RPL34: variants seen among roughly 807,000 people sequenced by gnomAD.
RPL34 encodes ribosomal protein L34.
In RPL34, 2 loss-of-function variants were observed where a neutral mutation model predicts 16.3. The ratio of observed to expected loss-of-function variants is 0.12; its 90% CI spans 0.05 to 0.39. The LOEUF (loss-of-function observed/expected upper bound fraction) is 0.39. Among genes scored for constraint, RPL34 ranks in the 10% least tolerant of loss-of-function variants. The pLI is 0.99. For synonymous variants in RPL34, 47 were observed against 48.5 expected, an observed-to-expected ratio of 0.97 and a Z score of 0.13; for missense variants, 82 against 148.8, an observed-to-expected ratio of 0.55 and a Z score of 2.33.
chr4:108,624,742 C>G (rs557484433), intron 4 of RPL34, among the ~76,000 whole-genome samples: 1 of 152,246 alleles, frequency 6.6e-6, no homozygotes, highest in African/African-American at 2.4e-5. Context: ...TAGTTCTTAA[C>G]ACATAGCCCC....
downstream of RPL34, among the ~76,000 whole-genome samples, chr4:108,626,654 A>C (rs1373787114): frequency 6.6e-6 from 1 of 151,902 alleles, no homozygotes; most frequent in Non-Finnish European, 1.5e-5. Context: ...GGCCAGGTTC[A>C]TCTTGAACTC....
intron 1 of RPL34, 54 bp from the exon 2 acceptor site, chr4:108,621,897 A>T: frequency 1.7e-6 from 2 of 1,211,508 alleles, no homozygotes; most frequent in Non-Finnish European, 2.4e-6. Context: ...CTGTTTTGAG[A>T]TTTTATTTAC....
downstream of RPL34, chr4:108,630,225 C>T (rs539643245): frequency 3.9e-5 from 6 of 152,224 alleles, no homozygotes; most frequent in African/African-American, 7.2e-5. Context: ...CAGCACATCC[C>T]TAGATACTAC....
At chr4:108,622,084 A>G (rs1261690479) in intron 2 of RPL34, 21 bp from the exon 3 acceptor site, 9 of 1,597,938 alleles carry the variant, frequency 5.6e-6, no homozygotes, top group Non-Finnish European at 7.7e-6. Context: ...ATGCTGACCT[A>G]CTGACTGTTT....
downstream of RPL34, among the ~76,000 whole-genome samples, chr4:108,627,691 G>A (rs967573984): frequency 6.6e-6 from 1 of 151,944 alleles, no homozygotes; most frequent in African/African-American, 2.4e-5. Context: ...GTGAAACCCC[G>A]TCTCTACTAA....
chr4:108,627,205 C>T (rs146725206), downstream of RPL34, among the ~76,000 whole-genome samples: 100 of 152,118 alleles, frequency 6.6e-4, no homozygotes, highest in East Asian at 6.6e-3. Context: ...CGCCACTGTA[C>T]TCTCGCCTGT....
chr4:108,629,404 T>A (rs926773070), downstream of RPL34, among the ~76,000 whole-genome samples: 1 of 152,248 alleles, frequency 6.6e-6, no homozygotes, highest in African/African-American at 2.4e-5. Flanking sequence ...TATATCTGAT[T>A]ATTTCACTTA....
intron 4 of RPL34, among the ~76,000 whole-genome samples, chr4:108,623,496 G>A (rs577409779): frequency 1.2e-4 from 18 of 152,228 alleles, no homozygotes; most frequent in African/African-American, 4.1e-4. Flanking sequence ...TGTAACCTCC[G>A]CCTCCCGGGT....
downstream of RPL34, among the ~76,000 whole-genome samples, chr4:108,627,822 A>G (rs1362857741): frequency 6.6e-6 from 1 of 151,374 alleles, no homozygotes; most frequent in Admixed American, 6.6e-5. Context: ...AGATTGCACC[A>G]CTGCACTCCA....
chr4:108,630,218 C>G (rs927134050), downstream of RPL34: 1 of 152,114 alleles, frequency 6.6e-6, no homozygotes, highest in Non-Finnish European at 1.5e-5. Flanking sequence ...ATACTACCAG[C>G]ACATCCCTAG....
downstream of RPL34, among the ~76,000 whole-genome samples, chr4:108,626,667 G>A (rs1726013138): frequency 2.0e-5 from 3 of 152,030 alleles, no homozygotes; most frequent in Non-Finnish European, 4.4e-5. Context: ...TTGAACTCTT[G>A]ATCTCAAGTG....
downstream of RPL34, among the ~76,000 whole-genome samples, chr4:108,628,694 ATTGAGGT>A (rs942682021): frequency 1.5e-3 from 228 of 152,344 alleles, 1 homozygote; most frequent in East Asian, 1.5e-3. Context: ...AAGTTAAAGA[ATTGAGGT>A]GTACATTCTT....
At chr4:108,625,721 A>C (rs1725978283), downstream of RPL34, among the ~76,000 whole-genome samples, 2 of 152,172 alleles carry the variant, frequency 1.3e-5, no homozygotes, top group Admixed American at 6.5e-5. Context: ...GTTGGTGGTC[A>C]CTGATGGCCA....
At position 108,625,228 on chromosome 4, in the gene RPL34, T is replaced by C. The variant is rs1725957710; in HGVS notation, c.*16T>C. ...AGCTAAATAAAAAAATGAAACTTTT[T>C]TGAGTAATAAAAATGAAAAGACGCT... On this transcript the variant is annotated 3_prime_UTR_variant, in exon 5 of 5. Transcript: ENST00000394667. 1.3e-6 allele frequency: 2 copies of C among 1,534,690 alleles called. No individual in the cohort carries two copies. Among genetic ancestry groups the C allele is most frequent in the South Asian group, 2.3e-5 (2 of 86,420 alleles).
downstream of RPL34, among the ~76,000 whole-genome samples, chr4:108,628,279 G>A (rs1242977498): frequency 6.6e-6 from 1 of 152,192 alleles, no homozygotes; most frequent in Non-Finnish European, 1.5e-5. Context: ...TGAAAAGCTT[G>A]AATTCTAAGG....
At position 108,622,498 on chromosome 4, in the gene RPL34, A is replaced by G. The variant is rs1228647454; in HGVS notation, c.166-17A>G. On this transcript the variant is annotated splice_polypyrimidine_tract_variant and intron_variant, in intron 3 of 4. Coordinates refer to ENST00000394667, the MANE Select transcript of RPL34 (RefSeq NM_001319236.2). ...CTGTTAAAGCATCACAAAAATCTTA[A>G]TATTTTTCTTATGCAGGTTCGTGCT... is the stretch of plus-strand genomic sequence containing the variant. The G allele has an allele frequency of 1.9e-6, 3 of 1,587,522 alleles. No individual in the cohort carries two copies. The highest frequency in any genetic ancestry group is 4.5e-5 in the East Asian group (2 of 44,756).
At position 108,625,253 on chromosome 4, in the gene RPL34, T is replaced by C; in HGVS notation, c.*41T>C. 1 of 1,247,708 alleles carries C rather than the reference T, an allele frequency of 8.0e-7. No individual in the cohort carries two copies. Among genetic ancestry groups the C allele is most frequent in the Non-Finnish European group, 1.2e-6 (1 of 866,444 alleles). The allele number at this position is 1,247,708 out of a possible 1,614,324, so 77.3% of individuals were successfully genotyped here. A position where few individuals can be genotyped will look rare whatever the true frequency, so the allele number is the denominator to read the frequency against. ...TTGAGTAATAAAAATGAAAAGACGC[T>C]GTATGTATGACTTTTTTTTTTTCTG... On this transcript the variant is annotated 3_prime_UTR_variant, in exon 5 of 5. Transcript: ENST00000394667.
intron 1 of RPL34, 43 bp from the exon 2 acceptor site, chr4:108,621,908 T>A (rs1179280217): frequency 7.5e-7 from 1 of 1,327,822 alleles, no homozygotes; most frequent in Admixed American, 1.7e-5. Flanking sequence ...TTTTATTTAC[T>A]TTTACAATGG....
chr4:108,622,558 C>T lies in RPL34; in HGVS notation c.209C>T (p.Thr70Ile). 6.2e-7 allele frequency: 1 copy of T among 1,610,682 alleles called. No homozygotes were observed. Among genetic ancestry groups the T allele is most frequent in the Non-Finnish European group, 8.5e-7 (1 of 1,179,054 alleles). ...RPKVLMRLSK[T>I]KKHVSRAYGG... ...AAAGTTCTTATGAGATTGTCCAAAA[C>T]AAAGAAACATGTCAGCAGGGCCTAT... Residue 70 changes from threonine (T) to isoleucine (I), a missense_variant, in exon 4 of 5, where the codon ACA (threonine) becomes ATA (isoleucine). Physicochemically the swap from Thr to Ile is moderately conservative, Grantham distance 89. Transcript: ENST00000394667.
Sources: gnomAD v4.1 joint callset for allele counts (sites outside exome capture counted in the v4.1 genomes callset) on GRCh38, gnomAD v4.1.1 for gene constraint, MANE v1.5 for transcripts, NCBI Gene and HGNC (gene_info 2026-07-23, HGNC 2026-07-21) for gene names.